GRID2: variants seen among roughly 807,000 people sequenced by gnomAD.
The protein encoded by GRID2 is glutamate ionotropic receptor delta type subunit 2.
In GRID2, 33 loss-of-function variants were observed where a neutral mutation model predicts 114.8. That is an observed-to-expected ratio of 0.29 (90% CI 0.22 to 0.38). GRID2 has a LOEUF of 0.38. GRID2 is among the 10% of genes least tolerant of loss of function. The pLI is 1.00. For missense variants in GRID2, 1,184 were observed against 1,257.7 expected (o/e 0.94, Z 0.89); for synonymous variants, 505 against 449.9 (o/e 1.12, Z -1.55).
intron 2 of GRID2, among the ~76,000 whole-genome samples, chr4:93,047,082 C>T (rs62308170): frequency 6.6e-6 from 1 of 151,846 alleles, no homozygotes; most frequent in Non-Finnish European, 1.5e-5. Context: ...CCCATAACTC[C>T]AGTCCTGTCA....
intron 12 of GRID2, among the ~76,000 whole-genome samples, chr4:93,492,367 A>G (rs1727093429): frequency 6.6e-6 from 1 of 151,884 alleles, no homozygotes; most frequent in Admixed American, 6.6e-5. Context: ...CAAAGCCTGC[A>G]GCTAGTAAGT....
chr4:93,092,099 C>G (rs1730842804), intron 3 of GRID2, among the ~76,000 whole-genome samples: 1 of 152,064 alleles, frequency 6.6e-6, no homozygotes, highest in African/African-American at 2.4e-5. Context: ...GAAGATAAAG[C>G]TGGACATCTT....
intron 2 of GRID2, among the ~76,000 whole-genome samples, chr4:93,025,041 C>T (rs113586361): frequency 3.3e-5 from 5 of 151,324 alleles, no homozygotes; most frequent in Admixed American, 3.3e-4. Flanking sequence ...CAGCACAAAC[C>T]TAGCACACAG....
At chr4:93,554,199 C>A (rs1328073103) in intron 13 of GRID2, among the ~76,000 whole-genome samples, 2 of 152,204 alleles carry the variant, frequency 1.3e-5, no homozygotes, top group East Asian at 1.9e-4. Context: ...TGGAACTTTA[C>A]CCAATTACTT....
intron 2 of GRID2, among the ~76,000 whole-genome samples, chr4:92,941,762 T>G (rs1560725719): frequency 6.6e-6 from 1 of 152,186 alleles, no homozygotes; most frequent in Non-Finnish European, 1.5e-5. Context: ...GATTCTCGTA[T>G]GTTGTGTCTT....
chr4:92,484,356 T>G (rs1378813818), intron 1 of GRID2, among the ~76,000 whole-genome samples: 3 of 152,142 alleles, frequency 2.0e-5, no homozygotes, highest in Non-Finnish European at 4.4e-5. Context: ...AAGGTAAAGA[T>G]AAAATGTCAT....
chr4:92,899,731 G>C (rs926598597), intron 2 of GRID2, among the ~76,000 whole-genome samples: 1 of 152,076 alleles, frequency 6.6e-6, no homozygotes. Context: ...ATTTGCTGTG[G>C]GTTTTTGCTT....
chr4:93,296,097 A>G (rs958603490), intron 8 of GRID2, among the ~76,000 whole-genome samples: 4 of 152,176 alleles, frequency 2.6e-5, no homozygotes, highest in Admixed American at 6.5e-5. Context: ...CACTAGGTTG[A>G]GATAATGGTG....
rs1428250808 is a variant in GRID2, at chr4:92,686,399, TG to T, written c.244+96114del. ...TTTGGATGTTACAATTAAATATCCT[TG>T]CTTAGTAGACATTTTTATATATCTC... On this transcript the variant is annotated intron_variant, in intron 2 of 15. Coordinates refer to ENST00000282020, the MANE Select transcript of GRID2 (RefSeq NM_001510.4). Among the ~76,000 whole-genome samples, 3 of 152,242 alleles carry T rather than the reference TG, an allele frequency of 2.0e-5. No homozygotes were observed. In the East Asian group the frequency reaches 5.8e-4, roughly 29 times the overall value.
At chr4:93,740,296 T>G (rs1731257578) in intron 14 of GRID2, among the ~76,000 whole-genome samples, 1 of 152,178 alleles carries the variant, frequency 6.6e-6, no homozygotes, top group Non-Finnish European at 1.5e-5. Flanking sequence ...CAAAATTGCC[T>G]AGTGATGCAT....
At chr4:93,156,920 G>T (rs998370196) in intron 4 of GRID2, among the ~76,000 whole-genome samples, 18 of 151,676 alleles carry the variant, frequency 1.2e-4, no homozygotes. Flanking sequence ...AGGAAATCAA[G>T]GATCAGTTCT....
intron 2 of GRID2, among the ~76,000 whole-genome samples, chr4:93,001,733 T>TTTATCAGCAGAGATCAGCA (rs1378685626): frequency 9.9e-5 from 15 of 151,846 alleles, no homozygotes; most frequent in South Asian, 2.1e-4. Flanking sequence ...ATCAGCTGTG[T>TTTATCAGCAGAGATCAGCA]GCTGGGTCAG....
At chr4:92,814,402 AG>A (rs1740786955) in intron 2 of GRID2, among the ~76,000 whole-genome samples, 1 of 152,152 alleles carries the variant, frequency 6.6e-6, no homozygotes, top group Non-Finnish European at 1.5e-5. Flanking sequence ...TGAAGCTGAG[AG>A]GTACCCAAAA....
intron 2 of GRID2, among the ~76,000 whole-genome samples, chr4:92,820,926 A>G (rs1257190996): frequency 2.6e-5 from 4 of 152,120 alleles, no homozygotes; most frequent in African/African-American, 4.8e-5. Flanking sequence ...TCAAATTAAC[A>G]AAATAACCTA....
chr4:93,255,935 T>C (rs191389544), intron 8 of GRID2, among the ~76,000 whole-genome samples: 1 of 152,110 alleles, frequency 6.6e-6, no homozygotes, highest in Non-Finnish European at 1.5e-5. Context: ...TTTATAGTTA[T>C]GTTATAGTTT....
At chr4:93,224,822 TG>T in intron 7 of GRID2, 47 bp downstream of exon 7, 1 of 1,346,654 alleles carries the variant, frequency 7.4e-7, no homozygotes, top group Non-Finnish European at 1.0e-6. Context: ...AATAATTATT[TG>T]ACATATTTTA....
intron 8 of GRID2, among the ~76,000 whole-genome samples, chr4:93,384,850 G>A (rs1212835853): frequency 3.9e-5 from 6 of 152,148 alleles, no homozygotes; most frequent in African/African-American, 1.2e-4. Flanking sequence ...ATAGCTAAGA[G>A]TTGTGAATGG....
intron 4 of GRID2, among the ~76,000 whole-genome samples, chr4:93,182,109 A>G (rs1419819835): frequency 2.0e-5 from 3 of 152,164 alleles, no homozygotes; most frequent in Admixed American, 6.6e-5. Context: ...TTAAACTTCA[A>G]TGTAAAAATT....
At chr4:92,536,097 C>T (rs144451261) in intron 1 of GRID2, among the ~76,000 whole-genome samples, 12 of 152,230 alleles carry the variant, frequency 7.9e-5, no homozygotes, top group African/African-American at 2.7e-4. Context: ...AGGAAAGGAA[C>T]GTGAGCAGGC....
Sources: allele counts gnomAD v4.1 joint callset (sites outside exome capture counted in the v4.1 genomes callset), GRCh38; gene constraint gnomAD v4.1.1; transcripts MANE v1.5; gene names NCBI Gene and HGNC (gene_info 2026-07-23, HGNC 2026-07-21).